HMGN3: variants seen among roughly 807,000 people sequenced by gnomAD.
HMGN3 encodes the protein high mobility group nucleosome-binding domain-containing protein 3.
Under a neutral mutation model 18.8 loss-of-function variants are expected in HMGN3, and 6 were observed. The observed-to-expected ratio is 0.32, with a 90% CI of 0.18 to 0.63. HMGN3 has a LOEUF of 0.63. HMGN3 is among the 30% of genes least tolerant of loss of function. The pLI is 0.79. For missense variants in HMGN3, 107 were observed against 114.2 expected, an observed-to-expected ratio of 0.94 and a Z score of 0.29; for synonymous variants, 40 against 36.5, an observed-to-expected ratio of 1.10 and a Z score of -0.35.
intron 1 of HMGN3, among the ~76,000 whole-genome samples, chr6:79,231,248 T>C (rs1777824450): frequency 6.6e-6 from 1 of 152,228 alleles, no homozygotes; most frequent in Non-Finnish European, 1.5e-5. Context: ...CTGGCTCATG[T>C]CTCTTCGTAG....
At chr6:79,203,534 T>G (rs752520776) in intron 4 of HMGN3, 46 bp downstream of exon 4, 66 of 1,432,460 alleles carry the variant, frequency 4.6e-5, no homozygotes, top group Middle Eastern at 1.8e-4. Flanking sequence ...GAATTATAAT[T>G]TATTCATTGT....
chr6:79,230,246 C>G (rs1222091694), intron 1 of HMGN3, among the ~76,000 whole-genome samples: 2 of 152,006 alleles, frequency 1.3e-5, no homozygotes, highest in Non-Finnish European at 1.5e-5. Flanking sequence ...AATCTAGATA[C>G]AGCAAAAGTA....
rs1776898948 is a variant in HMGN3, at chr6:79,214,954, T to A, written c.66+18A>T. Reference sequence around the variant, plus strand: ...TCAATGTAAATAATTAAATATAGGATGTCAAAGATATACTTACCTCCTGTT... The same window carrying A: ...TCAATGTAAATAATTAAATATAGGAAGTCAAAGATATACTTACCTCCTGTT... On this transcript the variant is annotated intron_variant, in intron 2 of 5. Transcript: ENST00000344726. The A allele has an allele frequency of 7.6e-7, 1 of 1,308,450 alleles. No individual in the cohort carries two copies. The highest frequency in any genetic ancestry group is 1.1e-6 in the Non-Finnish European group (1 of 919,452). The allele number at this position is 1,308,450 out of a possible 1,614,324, so 81.1% of individuals were successfully genotyped here.
At chr6:79,233,217 G>A (rs955670830) in intron 1 of HMGN3, among the ~76,000 whole-genome samples, 1 of 152,170 alleles carries the variant, frequency 6.6e-6, no homozygotes, top group Non-Finnish European at 1.5e-5. Context: ...GCTGTTTTCA[G>A]GATTAAATGA....
At chr6:79,234,433 A>C in intron 1 of HMGN3, 113 bp downstream of exon 1, 1 of 974,486 alleles carries the variant, frequency 1.0e-6, no homozygotes, top group Non-Finnish European at 1.6e-6. Context: ...AGGAGCAAAG[A>C]TTCCCAATCC....
chr6:79,221,732 G>A (rs910165635), intron 1 of HMGN3, among the ~76,000 whole-genome samples: 2 of 152,170 alleles, frequency 1.3e-5, no homozygotes, highest in African/African-American at 4.8e-5. Flanking sequence ...GTGTGGAGAA[G>A]GACACTGAGG....
At chr6:79,225,811 A>G (rs151003141) in intron 1 of HMGN3, among the ~76,000 whole-genome samples, 43 of 152,350 alleles carry the variant, frequency 2.8e-4, no homozygotes, top group African/African-American at 1.0e-3. Context: ...AGAAGATTTC[A>G]TGGTAATGCT....
chr6:79,218,245 G>A (rs1449616753), intron 1 of HMGN3, among the ~76,000 whole-genome samples: 3 of 152,090 alleles, frequency 2.0e-5, no homozygotes, highest in African/African-American at 7.2e-5. Flanking sequence ...AGGAATGCTT[G>A]CTCAATTAGA....
intron 1 of HMGN3, among the ~76,000 whole-genome samples, chr6:79,219,491 G>A (rs1291001459): frequency 3.9e-5 from 6 of 151,922 alleles, no homozygotes; most frequent in African/African-American, 7.2e-5. Flanking sequence ...CTAGAAGGAA[G>A]GAAAACTATG....
intron 2 of HMGN3, among the ~76,000 whole-genome samples, 172 bp from the exon 3 acceptor site, chr6:79,208,748 G>A (rs191481306): frequency 1.1e-4 from 17 of 152,252 alleles, no homozygotes; most frequent in Admixed American, 2.0e-4. Context: ...CCCTGGGCAC[G>A]ATGACACTCA....
chr6:79,212,581 T>A (rs375188432), intron 2 of HMGN3, among the ~76,000 whole-genome samples: 1 of 152,206 alleles, frequency 6.6e-6, no homozygotes, highest in African/African-American at 2.4e-5. Context: ...AGAGTTACTA[T>A]ATGGACCAGA....
intron 1 of HMGN3, among the ~76,000 whole-genome samples, chr6:79,219,502 T>A (rs1777162614): frequency 6.6e-6 from 1 of 152,052 alleles, no homozygotes; most frequent in African/African-American, 2.4e-5. Context: ...GAAAACTATG[T>A]AAGAAAAAAA....
At chr6:79,219,786 A>T (rs1777176935) in intron 1 of HMGN3, among the ~76,000 whole-genome samples, 1 of 152,186 alleles carries the variant, frequency 6.6e-6, no homozygotes, top group Non-Finnish European at 1.5e-5. Flanking sequence ...ACTTTTTTGT[A>T]CTAAATCTTT....
At chr6:79,234,349 G>T in intron 1 of HMGN3, 197 bp downstream of exon 1, 1 of 495,476 alleles carries the variant, frequency 2.0e-6, no homozygotes, top group Non-Finnish European at 3.6e-6. Context: ...AACATTAAGA[G>T]ATCGATGAGG....
At chr6:79,211,919 G>A (rs970190951) in intron 2 of HMGN3, among the ~76,000 whole-genome samples, 2 of 152,052 alleles carry the variant, frequency 1.3e-5, no homozygotes, top group African/African-American at 4.8e-5. Context: ...GCTGGATACT[G>A]CTTGAAACAC....
At chr6:79,212,888 T>G (rs1012337457) in intron 2 of HMGN3, among the ~76,000 whole-genome samples, 2 of 152,140 alleles carry the variant, frequency 1.3e-5, no homozygotes, top group African/African-American at 4.8e-5. Flanking sequence ...ATCAGCAAAC[T>G]AACTGACCTT....
chr6:79,214,756 A>C (rs987023206), intron 2 of HMGN3, among the ~76,000 whole-genome samples: 1 of 152,206 alleles, frequency 6.6e-6, no homozygotes, highest in South Asian at 2.1e-4. Context: ...GTAAGTGGAA[A>C]ATGCCTCATC....
At chr6:79,201,408 C>T (rs926836431) in exon 6 of HMGN3, 3 of 373,200 alleles carry the variant, frequency 8.0e-6, no homozygotes, top group African/African-American at 6.2e-5. Context: ...AGTAAAAACA[C>T]CACAGTATGC....
At chr6:79,215,357 C>G (rs1443766484) in intron 1 of HMGN3, among the ~76,000 whole-genome samples, 2 of 152,224 alleles carry the variant, frequency 1.3e-5, no homozygotes, top group African/African-American at 4.8e-5. Flanking sequence ...GGCAGGAATG[C>G]CTGGGAGCCA....
Sources: gnomAD v4.1 joint callset for allele counts (sites outside exome capture counted in the v4.1 genomes callset) on GRCh38, gnomAD v4.1.1 for gene constraint, MANE v1.5 for transcripts, NCBI Gene and HGNC (gene_info 2026-07-23, HGNC 2026-07-21) for gene names.